Variants in TUBGCP4 observed in about 807,000 individuals in gnomAD.
The protein encoded by TUBGCP4 is tubulin gamma complex component 4.
TUBGCP4 carries 54 observed loss-of-function variants against 91.6 expected under a neutral mutation model. The ratio of observed to expected loss-of-function variants is 0.59; its 90% confidence interval spans 0.47 to 0.74. TUBGCP4 has a LOEUF of 0.74. Ranked by LOEUF, TUBGCP4 falls within the 30% of genes least tolerant of loss-of-function variation. The pLI is 0.00. For synonymous variants in TUBGCP4, 297 were observed against 302.8 expected, an observed-to-expected ratio of 0.98 and a Z score of 0.20; for missense variants, 593 against 800.9, an observed-to-expected ratio of 0.74 and a Z score of 3.13.
chr15:43,408,488 T>G lies in TUBGCP4; in HGVS notation c.*3274T>G, dbSNP rs1311152847. On this transcript the variant is annotated 3_prime_UTR_variant, in exon 18 of 18. Transcript: ENST00000564079. ...AGAGCAAGACTTCATCTTAAAAAAC[T>G]AAGCCCTATATTAGGGTCCCCCTTC... The G allele has an allele frequency of 3.8e-6, 1 of 262,570 alleles. No homozygotes were observed. Among genetic ancestry groups the G allele is most frequent in the African/African-American group, 2.2e-5 (1 of 45,040 alleles). The allele number at this position is 262,570 out of a possible 1,614,324, so 16.3% of individuals were successfully genotyped here.
chr15:43,383,247 A>G, intron 6 of TUBGCP4, 56 bp from the exon 7 acceptor site: 1 of 1,458,824 alleles, frequency 6.9e-7, no homozygotes, highest in Non-Finnish European at 9.3e-7. Context: ...GCCTCTGTTT[A>G]TCCTGTAACA....
intron 1 of TUBGCP4, among the ~76,000 whole-genome samples, chr15:43,372,379 A>G (rs1405439934): frequency 6.6e-6 from 1 of 152,222 alleles, no homozygotes; most frequent in Non-Finnish European, 1.5e-5. Flanking sequence ...GTTATTATTT[A>G]TGAACATGTA....
chr15:43,405,169 G>A (rs1415646764), intron 17 of TUBGCP4, 33 bp from the exon 18 acceptor site: 1 of 1,613,736 alleles, frequency 6.2e-7, no homozygotes, highest in African/African-American at 1.3e-5. Flanking sequence ...GGGAAAGCAT[G>A]ACACTTAATA....
At chr15:43,403,436 C>A (rs1055400214) in intron 15 of TUBGCP4, 2 of 359,928 alleles carry the variant, frequency 5.6e-6, no homozygotes, top group Non-Finnish European at 1.0e-5. Flanking sequence ...TTAAATGTGG[C>A]TAGATTGGAG....
At chr15:43,403,362 C>T (rs1468659805) in intron 15 of TUBGCP4, 1 of 198,052 alleles carries the variant, frequency 5.0e-6, no homozygotes, top group Non-Finnish European at 1.0e-5. Context: ...GCATCCCGGG[C>T]AAAGGGAACA....
chr15:43,401,912 T>C (rs964320848), intron 15 of TUBGCP4, 62 bp downstream of exon 15: 7 of 1,571,594 alleles, frequency 4.5e-6, no homozygotes, highest in African/African-American at 4.1e-5. Flanking sequence ...CTTAGGCAGT[T>C]TGAGTTGACA....
At position 43,385,892 on chromosome 15, in the gene TUBGCP4, A is replaced by C; in HGVS notation, c.825A>C (p.Lys275Asn). 2 of 1,614,034 alleles carry C rather than the reference A, an allele frequency of 1.2e-6. No homozygotes were observed. Among genetic ancestry groups the C allele is most frequent in the Non-Finnish European group, 1.7e-6 (2 of 1,180,018 alleles). The stretch of plus-strand genomic sequence containing the variant: ...ACATTCCAGTGAGGGTTGCTGAAAA[A>C]ATCCTATTTGTTGGAGAATCTGTCC... Reference protein sequence around the residue: ...PSYIPVRVAEKILFVGESVQM... With the variant: ...PSYIPVRVAENILFVGESVQM... The change falls in exon 8 of 18, where the codon AAA becomes AAC. Residue 275 changes from lysine to asparagine, a missense_variant. Coordinates refer to ENST00000564079, the MANE Select transcript of TUBGCP4 (RefSeq NM_014444.5).
chr15:43,386,121 C>G (rs1408928207), intron 8 of TUBGCP4, 85 bp from the exon 9 acceptor site: 2 of 1,539,762 alleles, frequency 1.3e-6, no homozygotes. Flanking sequence ...AAGTTGCTGC[C>G]CCACTGAGAT....
intron 1 of TUBGCP4, among the ~76,000 whole-genome samples, chr15:43,373,645 C>CTT (rs767035742): frequency 1.3e-4 from 17 of 129,620 alleles, no homozygotes; most frequent in Middle Eastern, 3.9e-3. Context: ...AGACCAGGTT[C>CTT]TTTTTTTTTT....
At chr15:43,398,277 TG>T in intron 13 of TUBGCP4, 98 bp downstream of exon 13, 2 of 1,377,760 alleles carry the variant, frequency 1.5e-6, no homozygotes, top group Non-Finnish European at 2.0e-6. Context: ...CAAGGTGTGG[TG>T]GCACACACCT....
chr15:43,407,705 T>C lies in TUBGCP4; in HGVS notation c.*2491T>C. ...CCTATTATGTCAAACACACTGCTAC[T>C]GATCATGACCAAAGGCAGAGTTATA... On this transcript the variant is annotated 3_prime_UTR_variant, in exon 18 of 18. Coordinates refer to ENST00000564079, the MANE Select transcript of TUBGCP4 (RefSeq NM_014444.5). The C allele has an allele frequency of 1.1e-6, 1 of 881,576 alleles. No individual in the cohort carries two copies. The highest frequency in any genetic ancestry group is 1.7e-5 in the African/African-American group (1 of 59,228). 54.6% of individuals were successfully genotyped at this position (881,576 alleles called of 1,614,324 possible). A position where few individuals can be genotyped will look rare whatever the true frequency, so the allele number is the denominator to read the frequency against.
At chr15:43,384,910 A>G (rs1186646793) in intron 7 of TUBGCP4, among the ~76,000 whole-genome samples, 3 of 152,236 alleles carry the variant, frequency 2.0e-5, no homozygotes, top group African/African-American at 7.2e-5. Context: ...AGATACTAAC[A>G]TTGAATATGA....
chr15:43,378,662 C>G (rs1329293895), intron 5 of TUBGCP4, among the ~76,000 whole-genome samples: 1 of 152,214 alleles, frequency 6.6e-6, no homozygotes, highest in Non-Finnish European at 1.5e-5. Context: ...CTGCTATGTT[C>G]ATGCTGTGCC....
intron 2 of TUBGCP4, 37 bp from the exon 3 acceptor site, chr15:43,376,466 T>C: frequency 6.2e-7 from 1 of 1,614,090 alleles, no homozygotes; most frequent in Non-Finnish European, 8.5e-7. Flanking sequence ...TTTCAGGGCC[T>C]GAGCTGAGAA....
intron 5 of TUBGCP4, among the ~76,000 whole-genome samples, chr15:43,379,379 C>T (rs1008944998): frequency 5.3e-5 from 8 of 152,298 alleles, no homozygotes; most frequent in Admixed American, 5.2e-4. Context: ...TGGTGGCTCA[C>T]GCCTGTAATC....
chr15:43,379,029 C>T (rs138561942), intron 5 of TUBGCP4, among the ~76,000 whole-genome samples: 7 of 152,340 alleles, frequency 4.6e-5, no homozygotes, highest in Non-Finnish European at 7.4e-5. Flanking sequence ...CTTCAACTTC[C>T]GCTGGCTATA....
At position 43,405,522 on chromosome 15, in the gene TUBGCP4, G is replaced by C. The variant is rs2044839767; in HGVS notation, c.*308G>C. ...AGCACCTACTACGTACCTTGGTACT[G>C]TTCAAGCTGTGGGAGATACAGCGGT... On this transcript the variant is annotated 3_prime_UTR_variant, in exon 18 of 18. Coordinates refer to ENST00000564079, the MANE Select transcript of TUBGCP4 (RefSeq NM_014444.5). 2.6e-6 allele frequency: 1 copy of C among 384,196 alleles called. No individual in the cohort carries two copies. The allele number at this position is 384,196 out of a possible 1,614,324, so 23.8% of individuals were successfully genotyped here. A position where few individuals can be genotyped will look rare whatever the true frequency, so the allele number is the denominator to read the frequency against.
At chr15:43,403,177 CATATATATAT>C (rs146799160) in intron 15 of TUBGCP4, 1 of 150,408 alleles carries the variant, frequency 6.6e-6, no homozygotes, top group African/African-American at 2.4e-5. Flanking sequence ...AAAAACAAGA[CATATATATAT>C]ATATACATAC....
At chr15:43,404,306 G>C in intron 16 of TUBGCP4, 107 bp from the exon 17 acceptor site, 1 of 1,422,326 alleles carries the variant, frequency 7.0e-7, no homozygotes, top group Non-Finnish European at 9.5e-7. Flanking sequence ...TGGTTCTGTA[G>C]AATTTTGAAC....
Sources: gnomAD v4.1 joint callset for allele counts (sites outside exome capture counted in the v4.1 genomes callset) on GRCh38, gnomAD v4.1.1 for gene constraint, MANE v1.5 for transcripts, NCBI Gene and HGNC (gene_info 2026-07-23, HGNC 2026-07-21) for gene names.